Variants in RALYL observed in about 807,000 individuals in gnomAD.
RALYL encodes the protein RNA-binding Raly-like protein.
A neutral mutation model predicts 35.1 loss-of-function variants in RALYL; 29 were observed. The ratio of observed to expected loss-of-function variants is 0.83; its 90% CI spans 0.61 to 1.13. The LOEUF (loss-of-function observed/expected upper bound fraction) is 1.13, where lower values mean the gene tolerates loss of function less well. Among genes scored for constraint, RALYL ranks in the 50% most tolerant of loss-of-function variants. The probability of loss-of-function intolerance (pLI) is 0.00; values close to 1 mark genes in which losing one functional copy is unlikely to be tolerated. For missense variants in RALYL, 359 were observed against 360.4 expected, an observed-to-expected ratio of 1.00 and a Z score of 0.03; for synonymous variants, 120 against 127.6, an observed-to-expected ratio of 0.94 and a Z score of 0.40.
intron 2 of RALYL, among the ~76,000 whole-genome samples, chr8:84,726,490 C>G (rs1844981108): frequency 6.6e-6 from 1 of 151,208 alleles, no homozygotes; most frequent in South Asian, 2.1e-4. Flanking sequence ...ATGATTTCAA[C>G]TCTATTTTGA....
At chr8:84,401,360 A>G (rs2042870076) in intron 1 of RALYL, among the ~76,000 whole-genome samples, 1 of 152,074 alleles carries the variant, frequency 6.6e-6, no homozygotes, top group Non-Finnish European at 1.5e-5. Flanking sequence ...GTAAGAGGCC[A>G]GGCGCGATGG....
At position 84,291,229 on chromosome 8, in the gene RALYL, A is replaced by G. The variant is rs190250484; in HGVS notation, c.-24+106805A>G. ...TGATTTCTAACTGCCAAGCCCTGAG[A>G]GAAATCCAGTCTTATTTAAAAAAGA... On this transcript the variant is annotated intron_variant, in intron 1 of 8. Transcript: ENST00000521268. 8.1e-4 allele frequency among the ~76,000 whole-genome samples: 124 copies of G among 152,304 alleles called. 4 individuals are homozygous for G. In the South Asian group the frequency reaches 0.022, roughly 27 times the overall value.
chr8:84,735,683 T>C (rs7815917), intron 2 of RALYL, among the ~76,000 whole-genome samples: 50,126 of 151,822 alleles, frequency 0.33, 9,878 homozygotes, highest in African/African-American at 0.55. Context: ...AGTACCCTTA[T>C]ACAATGAGGT....
At chr8:84,449,928 A>G (rs994728343) in intron 1 of RALYL, among the ~76,000 whole-genome samples, 1 of 151,928 alleles carries the variant, frequency 6.6e-6, no homozygotes, top group African/African-American at 2.4e-5. Context: ...TAGACTAAGA[A>G]ATCTATAATT....
intron 1 of RALYL, among the ~76,000 whole-genome samples, chr8:84,278,015 AGAGGGCACCCTGTTG>A (rs1302004422): frequency 7.2e-5 from 11 of 152,228 alleles, no homozygotes; most frequent in African/African-American, 2.4e-4. Context: ...GCAGTGCCCC[AGAGGGCACCCTGTTG>A]GAGGGCTCCA....
At chr8:84,767,199 C>T (rs766767374) in intron 2 of RALYL, among the ~76,000 whole-genome samples, 1 of 152,072 alleles carries the variant, frequency 6.6e-6, no homozygotes, top group Admixed American at 6.5e-5. Context: ...GAATAGCACC[C>T]GTCTCCATTT....
chr8:84,845,872 A>C (rs998267205), intron 4 of RALYL, among the ~76,000 whole-genome samples: 4 of 152,122 alleles, frequency 2.6e-5, no homozygotes, highest in African/African-American at 9.6e-5. Context: ...TCAGCCAGCT[A>C]TGATGGCACT....
At chr8:84,759,888 C>A (rs974554058) in intron 2 of RALYL, among the ~76,000 whole-genome samples, 2 of 152,022 alleles carry the variant, frequency 1.3e-5, no homozygotes, top group African/African-American at 2.4e-5. Flanking sequence ...TAAACAATAT[C>A]TTTTTAAAAA....
chr8:84,243,266 TTTGTTGTTG>T (rs928934847), intron 1 of RALYL, among the ~76,000 whole-genome samples: 3 of 152,008 alleles, frequency 2.0e-5, no homozygotes, highest in Admixed American at 2.0e-4. Flanking sequence ...CCAGCGTGTT[TTTGTTGTTG>T]TTGTTGTTGT....
intron 6 of RALYL, among the ~76,000 whole-genome samples, chr8:84,868,571 C>G (rs545947651): frequency 6.6e-6 from 1 of 152,158 alleles, no homozygotes; most frequent in African/African-American, 2.4e-5. Flanking sequence ...TTTAACAATT[C>G]TGATTTGCAT....
intron 2 of RALYL, among the ~76,000 whole-genome samples, chr8:84,728,544 T>C (rs1327946553): frequency 6.6e-6 from 1 of 152,078 alleles, no homozygotes; most frequent in Non-Finnish European, 1.5e-5. Context: ...CATGAAGTCC[T>C]TGCCCATGCC....
rs1165346667 is a variant in RALYL at position 84,774,918 on chromosome 8, AG to A, written c.332+266del. 3.9e-5 allele frequency among the ~76,000 whole-genome samples: 6 copies of A among 152,232 alleles called. No individual in the cohort carries two copies. The East Asian group carries it at 1.2e-3, about 29-fold the overall frequency. On this transcript the variant is annotated intron_variant, in intron 3 of 8. Coordinates refer to ENST00000521268, the MANE Select transcript of RALYL (RefSeq NM_173848.7). ...TCACTAATGACTCTACCTGACAAGT[AG>A]GTGGAAAGGCCAATGTTGGTTAACT...
At chr8:84,499,874 C>T (rs1318127317) in intron 1 of RALYL, among the ~76,000 whole-genome samples, 2 of 152,108 alleles carry the variant, frequency 1.3e-5, no homozygotes, top group Admixed American at 1.3e-4. Context: ...ACCAGCTCAG[C>T]CTCCAGATTA....
Position 84,467,080 on chromosome 8 carries a change from T to A in RALYL, c.-23-62219T>A, listed in dbSNP as rs2051797621. On this transcript the variant is annotated intron_variant, in intron 1 of 8. Transcript: ENST00000521268. ...AGCGGTCTATCAATTTTGTTGATCC[T>A]TTCAAAAAACCAGCTCCTGGATTCA... 2.0e-5 allele frequency among the ~76,000 whole-genome samples: 3 copies of A among 152,156 alleles called. No individual in the cohort carries two copies. In the South Asian group the frequency reaches 6.2e-4, roughly 32 times the overall value.
At chr8:84,730,933 G>C (rs1846057827) in intron 2 of RALYL, among the ~76,000 whole-genome samples, 1 of 152,006 alleles carries the variant, frequency 6.6e-6, no homozygotes, top group South Asian at 2.1e-4. Flanking sequence ...ATTTAGGTTA[G>C]TGAATAAGAA....
At position 84,505,872 on chromosome 8, in the gene RALYL, G is replaced by T. The variant is rs535997480; in HGVS notation, c.-23-23427G>T. On this transcript the variant is annotated intron_variant, in intron 1 of 8. Transcript: ENST00000521268. Reference sequence around the variant, plus strand: ...AGATATAAATTTCATAAAAATGTTGGCATATTACCTGGTATAGGGTGACTT... The same window carrying T: ...AGATATAAATTTCATAAAAATGTTGTCATATTACCTGGTATAGGGTGACTT... Among the ~76,000 whole-genome samples the T allele has an allele frequency of 2.0e-5, 3 of 152,056 alleles. No homozygotes were observed. The South Asian group carries it at 6.2e-4, about 32-fold the overall frequency.
intron 2 of RALYL, among the ~76,000 whole-genome samples, chr8:84,535,644 T>TATTTTATTTTATTTTATTTTA (rs1554711588): frequency 2.1e-5 from 3 of 144,532 alleles, no homozygotes; most frequent in African/African-American, 7.8e-5. Flanking sequence ...TATTTTATTT[T>TATTTTATTTTATTTTATTTTA]TTGTATTTTT....
intron 1 of RALYL, among the ~76,000 whole-genome samples, chr8:84,324,189 A>G (rs1481363952): frequency 6.6e-6 from 1 of 152,096 alleles, no homozygotes; most frequent in Non-Finnish European, 1.5e-5. Flanking sequence ...GGTTTGAGCT[A>G]TTCAACTAAA....
At chr8:84,326,622 T>C (rs1164583707) in intron 1 of RALYL, among the ~76,000 whole-genome samples, 1 of 152,220 alleles carries the variant, frequency 6.6e-6, no homozygotes, top group Non-Finnish European at 1.5e-5. Flanking sequence ...CATACGTTTA[T>C]ATTTCTGCAG....
Sources: allele counts gnomAD v4.1 joint callset (sites outside exome capture counted in the v4.1 genomes callset), GRCh38; gene constraint gnomAD v4.1.1; transcripts MANE v1.5; gene names NCBI Gene and HGNC (gene_info 2026-07-23, HGNC 2026-07-21).